Variants in TAFA1 observed in about 807,000 individuals in gnomAD.
The protein encoded by TAFA1 is chemokine-like protein TAFA-1.
TAFA1 carries 4 observed loss-of-function variants against 18.5 expected under a neutral mutation model. The ratio of observed to expected loss-of-function variants is 0.22; its 90% confidence interval spans 0.11 to 0.49. The LOEUF (loss-of-function observed/expected upper bound fraction) is 0.49. Among genes scored for constraint, TAFA1 ranks in the 20% least tolerant of loss-of-function variants. The pLI, the probability that TAFA1 is intolerant of heterozygous loss-of-function variation, is 0.98. For missense variants in TAFA1, 147 were observed against 169.0 expected (o/e 0.87, Z 0.72); for synonymous variants, 56 against 55.2 (o/e 1.01, Z -0.06).
At chr3:68,231,382 C>G (rs2066869382) in intron 2 of TAFA1, among the ~76,000 whole-genome samples, 1 of 104,694 alleles carries the variant, frequency 9.6e-6, no homozygotes, top group Admixed American at 1.5e-4. Context: ...GAGACGGAGT[C>G]TCGCTCTGTC....
At chr3:68,237,801 A>G (rs2066946038) in intron 2 of TAFA1, among the ~76,000 whole-genome samples, 1 of 152,218 alleles carries the variant, frequency 6.6e-6, no homozygotes, top group East Asian at 1.9e-4. Context: ...TGGGATAGAA[A>G]GTTGCATATA....
intron 2 of TAFA1, among the ~76,000 whole-genome samples, chr3:68,220,604 A>G (rs1304495689): frequency 3.9e-5 from 6 of 152,030 alleles, no homozygotes; most frequent in African/African-American, 9.7e-5. Context: ...GGAGTTTACT[A>G]TCTTATACAA....
At chr3:68,145,359 C>T (rs899704209) in intron 2 of TAFA1, 1 of 815,306 alleles carries the variant, frequency 1.2e-6, no homozygotes, top group African/African-American at 1.7e-5. Context: ...CGCACCTTTG[C>T]CCTGGTCTCT....
At chr3:68,302,957 G>A (rs7635637) in intron 2 of TAFA1, among the ~76,000 whole-genome samples, 6 of 152,176 alleles carry the variant, frequency 3.9e-5, no homozygotes, top group African/African-American at 7.2e-5. Flanking sequence ...GAACCTCTGC[G>A]TCTCAGTTTT....
intron 2 of TAFA1, among the ~76,000 whole-genome samples, chr3:68,222,448 C>T (rs1188618054): frequency 6.6e-6 from 1 of 151,910 alleles, no homozygotes; most frequent in Admixed American, 6.6e-5. Context: ...TTCATATATC[C>T]CCCTCCTCTT....
At chr3:68,263,446 T>TACACACACACACACACATACACAC (rs2067476551) in intron 2 of TAFA1, among the ~76,000 whole-genome samples, 1 of 137,686 alleles carries the variant, frequency 7.3e-6, no homozygotes, top group African/African-American at 2.7e-5. Flanking sequence ...CACACACACA[T>TACACACACACACACACATACACAC]ACACACACAC....
intron 3 of TAFA1, among the ~76,000 whole-genome samples, chr3:68,453,979 G>T (rs1437828682): frequency 6.6e-6 from 1 of 152,148 alleles, no homozygotes; most frequent in Admixed American, 6.6e-5. Flanking sequence ...GCTGAAATGA[G>T]AAATTAATTC....
At chr3:68,388,194 CAG>C (rs1179069110) in intron 2 of TAFA1, among the ~76,000 whole-genome samples, 2 of 151,804 alleles carry the variant, frequency 1.3e-5, no homozygotes, top group Admixed American at 6.6e-5. Flanking sequence ...CAATTTTTAC[CAG>C]AGAGTTTTAG....
At chr3:68,415,192 C>G (rs1031848203) in intron 2 of TAFA1, among the ~76,000 whole-genome samples, 8 of 152,154 alleles carry the variant, frequency 5.3e-5, no homozygotes, top group Non-Finnish European at 1.0e-4. Context: ...CTACCTTGTA[C>G]TTCTCCAACT....
chr3:68,537,548 T>G (rs766527323), intron 3 of TAFA1, among the ~76,000 whole-genome samples: 55 of 152,170 alleles, frequency 3.6e-4, no homozygotes, highest in Non-Finnish European at 3.8e-4. Flanking sequence ...CTTTTAGGCC[T>G]TTAAAAGTGT....
chr3:68,127,986 G>A (rs543456155), intron 2 of TAFA1, among the ~76,000 whole-genome samples: 2 of 149,152 alleles, frequency 1.3e-5, no homozygotes, highest in East Asian at 3.9e-4. Flanking sequence ...TGATGATGAT[G>A]GTATTGGTAA....
At chr3:68,216,078 T>C (rs1319974957) in intron 2 of TAFA1, among the ~76,000 whole-genome samples, 1 of 152,074 alleles carries the variant, frequency 6.6e-6, no homozygotes, top group African/African-American at 2.4e-5. Flanking sequence ...ACCTACTCTA[T>C]TATTCCAACC....
chr3:68,425,452 G>T (rs2071034765), intron 3 of TAFA1, among the ~76,000 whole-genome samples: 1 of 151,930 alleles, frequency 6.6e-6, no homozygotes, highest in Non-Finnish European at 1.5e-5. Context: ...CTTATTAGAA[G>T]AGGATCTTGC....
chr3:68,395,700 A>C (rs560689868), intron 2 of TAFA1, among the ~76,000 whole-genome samples: 36 of 152,148 alleles, frequency 2.4e-4, no homozygotes, highest in Non-Finnish European at 4.3e-4. Flanking sequence ...GCAAACTAAC[A>C]CAGGAAGAGA....
chr3:68,207,454 T>G (rs2066541447), intron 2 of TAFA1, among the ~76,000 whole-genome samples: 1 of 151,946 alleles, frequency 6.6e-6, no homozygotes, highest in Non-Finnish European at 1.5e-5. Flanking sequence ...TTTAAAATTT[T>G]GTTAGTGAAG....
chr3:68,394,110 G>A (rs1334185590), intron 2 of TAFA1, among the ~76,000 whole-genome samples: 1 of 152,072 alleles, frequency 6.6e-6, no homozygotes. Context: ...CAAAGTCTCA[G>A]GATACAAAAT....
chr3:68,280,495 T>A (rs2067879230), intron 2 of TAFA1, among the ~76,000 whole-genome samples: 2 of 152,310 alleles, frequency 1.3e-5, no homozygotes, highest in South Asian at 2.1e-4. Context: ...TAAAGACCGC[T>A]TTTTAGGCAG....
At chr3:68,279,404 C>T (rs567599667) in intron 2 of TAFA1, among the ~76,000 whole-genome samples, 1 of 152,134 alleles carries the variant, frequency 6.6e-6, no homozygotes, top group African/African-American at 2.4e-5. Context: ...TCATCTGATC[C>T]CTCACCTAAT....
intron 2 of TAFA1, among the ~76,000 whole-genome samples, chr3:68,136,626 C>A (rs755744728): frequency 7.2e-5 from 11 of 152,230 alleles, no homozygotes; most frequent in South Asian, 6.2e-4. Flanking sequence ...AAAATGAACA[C>A]ATTGGGAAGG....
Sources: gnomAD v4.1 joint callset for allele counts (sites outside exome capture counted in the v4.1 genomes callset) on GRCh38, gnomAD v4.1.1 for gene constraint, MANE v1.5 for transcripts, NCBI Gene and HGNC (gene_info 2026-07-23, HGNC 2026-07-21) for gene names.